FAM227B: variants seen among roughly 807,000 people sequenced by gnomAD.
FAM227B encodes family with sequence similarity 227 member B.
Under a neutral mutation model 73.8 loss-of-function variants are expected in FAM227B, and 88 were observed. That is an observed-to-expected ratio of 1.19 (90% CI 1.00 to 1.42). The LOEUF (loss-of-function observed/expected upper bound fraction) is 1.42, where lower values mean the gene tolerates loss of function less well. Among genes scored for constraint, FAM227B ranks in the 40% most tolerant of loss-of-function variants. FAM227B has a pLI of 0.00. For missense variants in FAM227B, 632 were observed against 590.9 expected (o/e 1.07, Z -0.72); for synonymous variants, 210 against 190.5 (o/e 1.10, Z -0.84).
In FAM227B at chr15:49,616,995, C is replaced by T. The variant is rs78032729; in HGVS notation, c.-72-1752G>A. ...TTGGCCTTGTTGCTTTTCTTTAGTG[C>T]ACATTTGTTTTTAATTTCATTGATT... On this transcript the variant is annotated intron_variant, in intron 1 of 15. Coordinates refer to ENST00000299338, the MANE Select transcript of FAM227B (RefSeq NM_152647.3). 1.5e-3 allele frequency among the ~76,000 whole-genome samples: 233 copies of T among 152,154 alleles called. 4 individuals are homozygous for T. Among genetic ancestry groups the T allele is most frequent in the Admixed American group, 9.0e-3 (138 of 15,284 alleles).
chr15:49,510,949 G>A (rs1247578682), intron 10 of FAM227B, among the ~76,000 whole-genome samples: 1 of 150,634 alleles, frequency 6.6e-6, no homozygotes, highest in African/African-American at 2.4e-5. Flanking sequence ...TAATCTTTCT[G>A]TTCTCTGGAA....
intron 11 of FAM227B, among the ~76,000 whole-genome samples, chr15:49,499,796 A>C (rs1328247664): frequency 1.3e-5 from 2 of 152,222 alleles, no homozygotes; most frequent in African/African-American, 4.8e-5. Flanking sequence ...ATGGTGCTAA[A>C]GCAATATGCA....
intron 11 of FAM227B, among the ~76,000 whole-genome samples, chr15:49,429,244 G>A (rs1244158865): frequency 6.6e-6 from 1 of 151,988 alleles, no homozygotes; most frequent in Non-Finnish European, 1.5e-5. Context: ...GTAGAATCTT[G>A]TAGAACTGGT....
intron 11 of FAM227B, among the ~76,000 whole-genome samples, chr15:49,461,746 A>G (rs1371203083): frequency 6.6e-6 from 1 of 152,220 alleles, no homozygotes; most frequent in African/African-American, 2.4e-5. Flanking sequence ...ACTTAAAGAG[A>G]TACCATGTGA....
intron 5 of FAM227B, among the ~76,000 whole-genome samples, chr15:49,587,266 T>G (rs2076222828): frequency 6.6e-6 from 1 of 152,084 alleles, no homozygotes; most frequent in Non-Finnish European, 1.5e-5. Flanking sequence ...CACTTTTAAG[T>G]GGGAGCTAAA....
Position 49,337,592 on chromosome 15 carries a change from G to C in FAM227B, c.1272-2096C>G, listed in dbSNP as rs185834866. 3.5e-3 allele frequency among the ~76,000 whole-genome samples: 483 copies of C among 137,518 alleles called. 3 individuals are homozygous for C. Among genetic ancestry groups the C allele is most frequent in the Non-Finnish European group, 5.5e-3 (362 of 65,932 alleles). The allele number at this position is 137,518 out of a possible 152,430, so 90.2% of individuals were successfully genotyped here. ...GCAGAACATGCAGGTTTGTTACATAGGTATACATGTGCCATGGTGGTTTGC... is the reference window on the plus strand; with the variant it reads ...GCAGAACATGCAGGTTTGTTACATACGTATACATGTGCCATGGTGGTTTGC... On this transcript the variant is annotated intron_variant, in intron 13 of 15. Transcript: ENST00000299338.
At chr15:49,418,914 A>G (rs962200534) in intron 11 of FAM227B, among the ~76,000 whole-genome samples, 1 of 152,148 alleles carries the variant, frequency 6.6e-6, no homozygotes, top group Non-Finnish European at 1.5e-5. Context: ...CCAGTTTGGT[A>G]AAAAACTTAA....
intron 1 of FAM227B, among the ~76,000 whole-genome samples, chr15:49,619,237 G>T (rs1355537808): frequency 6.6e-6 from 1 of 152,178 alleles, no homozygotes. Flanking sequence ...CACTATGCTG[G>T]TTTTAAAACA....
intron 11 of FAM227B, chr15:49,424,851 G>A: frequency 4.2e-6 from 1 of 240,842 alleles, no homozygotes; most frequent in Non-Finnish European, 8.0e-6. Context: ...CATAAGTTAA[G>A]CAAAATGTAA....
intron 5 of FAM227B, among the ~76,000 whole-genome samples, chr15:49,580,944 T>C (rs1465505449): frequency 6.6e-6 from 1 of 151,944 alleles, no homozygotes; most frequent in Non-Finnish European, 1.5e-5. Flanking sequence ...AAATAAAAAA[T>C]AATGAACAAA....
intron 11 of FAM227B, among the ~76,000 whole-genome samples, chr15:49,499,252 T>G (rs1478462891): frequency 6.7e-6 from 1 of 149,100 alleles, no homozygotes; most frequent in Admixed American, 6.7e-5. Context: ...GTCCTAAATA[T>G]ACATGCACCC....
chr15:49,537,769 A>G (rs1475755649), intron 10 of FAM227B, among the ~76,000 whole-genome samples: 2 of 152,224 alleles, frequency 1.3e-5, no homozygotes, highest in Non-Finnish European at 2.9e-5. Flanking sequence ...TTGCCCCACA[A>G]TGTAGAACCT....
chr15:49,476,548 T>C (rs577754273), intron 11 of FAM227B, among the ~76,000 whole-genome samples: 1 of 152,198 alleles, frequency 6.6e-6, no homozygotes, highest in Non-Finnish European at 1.5e-5. Flanking sequence ...AAAAAGAAGT[T>C]ATCCATTGGG....
intron 10 of FAM227B, among the ~76,000 whole-genome samples, chr15:49,513,847 T>C (rs905031222): frequency 1.3e-5 from 2 of 152,130 alleles, no homozygotes; most frequent in African/African-American, 2.4e-5. Flanking sequence ...CCTTATTAAA[T>C]AGGGAATCCT....
chr15:49,358,194 C>A (rs1331906626), intron 13 of FAM227B, among the ~76,000 whole-genome samples: 2 of 149,722 alleles, frequency 1.3e-5, no homozygotes, highest in Non-Finnish European at 3.0e-5. Flanking sequence ...GGGATGCCCT[C>A]CTCACCACTC....
rs1382953237 is a variant in FAM227B at position 49,328,831 on chromosome 15, A to ATATT, written c.1420-160_1420-157dup. 5 of 1,407,728 alleles carry ATATT rather than the reference A, an allele frequency of 3.6e-6. No homozygotes were observed. The African/African-American group carries it at 5.8e-5, about 16-fold the overall frequency. The allele number at this position is 1,407,728 out of a possible 1,614,324, so 87.2% of individuals were successfully genotyped here. A position where few individuals can be genotyped will look rare whatever the true frequency, so the allele number is the denominator to read the frequency against. On this transcript the variant is annotated intron_variant, in intron 15 of 15. Transcript: ENST00000299338. Reference sequence around the variant, plus strand: ...AGGAAGAAAATTCAGACTCATTTGAATATTTGTAAACCATGTAATATATAA... The same window carrying ATATT: ...AGGAAGAAAATTCAGACTCATTTGAATATTTATTTGTAAACCATGTAATATATAA...
At chr15:49,339,834 G>T (rs1308392054) in intron 13 of FAM227B, among the ~76,000 whole-genome samples, 1 of 152,184 alleles carries the variant, frequency 6.6e-6, no homozygotes, top group Non-Finnish European at 1.5e-5. Context: ...GTAGAGGAAT[G>T]AATCTAGAGA....
intron 11 of FAM227B, among the ~76,000 whole-genome samples, chr15:49,498,283 A>ATC (rs2057801530): frequency 6.6e-6 from 1 of 152,228 alleles, no homozygotes; most frequent in East Asian, 1.9e-4. Flanking sequence ...GCTTTAGGAA[A>ATC]ATTACTTAAT....
At chr15:49,440,059 T>C (rs1362489452) in intron 11 of FAM227B, among the ~76,000 whole-genome samples, 1 of 151,834 alleles carries the variant, frequency 6.6e-6, no homozygotes, top group Non-Finnish European at 1.5e-5. Flanking sequence ...ATTATGCTTA[T>C]TTTATTTGAT....
Sources: gnomAD v4.1 joint callset for allele counts (sites outside exome capture counted in the v4.1 genomes callset) on GRCh38, gnomAD v4.1.1 for gene constraint, MANE v1.5 for transcripts, NCBI Gene and HGNC (gene_info 2026-07-23, HGNC 2026-07-21) for gene names.